The following FSTL5 variants were observed in gnomAD, a reference collection of about 807,000 sequenced individuals.
The protein encoded by FSTL5 is follistatin-related protein 5.
A neutral mutation model predicts 89.1 loss-of-function variants in FSTL5; 62 were observed. That is an observed-to-expected ratio of 0.70 (90% CI 0.57 to 0.86). FSTL5 has a LOEUF of 0.86. FSTL5 is among the 40% of genes least tolerant of loss of function. FSTL5 has a pLI of 0.00. For synonymous variants in FSTL5, 383 were observed against 346.2 expected (o/e 1.11, Z -1.18); for missense variants, 1,057 against 1,001.6 (o/e 1.06, Z -0.75).
chr4:162,094,564 G>A (rs992559621), intron 2 of FSTL5, among the ~76,000 whole-genome samples: 49 of 151,994 alleles, frequency 3.2e-4, no homozygotes, highest in Admixed American at 1.9e-3. Context: ...GCAACATTCA[G>A]ACATAGTATT....
At chr4:162,054,812 A>C (rs1405313420) in intron 2 of FSTL5, among the ~76,000 whole-genome samples, 1 of 151,846 alleles carries the variant, frequency 6.6e-6, no homozygotes, top group Non-Finnish European at 1.5e-5. Flanking sequence ...TCAGGGATAC[A>C]GTGTACCTGT....
intron 2 of FSTL5, among the ~76,000 whole-genome samples, chr4:162,085,340 T>A (rs1730269346): frequency 6.6e-6 from 1 of 152,036 alleles, no homozygotes; most frequent in African/African-American, 2.4e-5. Flanking sequence ...AAAATTCAAT[T>A]ACCCAACAAA....
chr4:161,493,285 C>G (rs989225861), intron 12 of FSTL5, among the ~76,000 whole-genome samples: 64 of 151,584 alleles, frequency 4.2e-4, no homozygotes, highest in African/African-American at 1.4e-3. Context: ...ATTATTGTCT[C>G]TCATAGAAGA....
chr4:161,991,400 T>A (rs1220217091), intron 3 of FSTL5, among the ~76,000 whole-genome samples: 1 of 152,148 alleles, frequency 6.6e-6, no homozygotes, highest in Non-Finnish European at 1.5e-5. Context: ...TTCACTCAGG[T>A]CAATACTTCT....
chr4:161,733,003 A>G (rs1436636969), intron 6 of FSTL5, among the ~76,000 whole-genome samples: 1 of 151,512 alleles, frequency 6.6e-6, no homozygotes, highest in Non-Finnish European at 1.5e-5. Flanking sequence ...TTATAGTCAG[A>G]GCATTGGTTT....
At chr4:162,026,296 T>C (rs1737278715) in intron 3 of FSTL5, among the ~76,000 whole-genome samples, 1 of 126,766 alleles carries the variant, frequency 7.9e-6, no homozygotes, top group Non-Finnish European at 1.6e-5. Context: ...AGACAGCTTA[T>C]GTATTTTCTT....
intron 4 of FSTL5, among the ~76,000 whole-genome samples, chr4:161,818,463 T>C (rs139073979): frequency 2.0e-5 from 3 of 152,290 alleles, no homozygotes; most frequent in East Asian, 3.9e-4. Flanking sequence ...AAGCCGCCTA[T>C]GGACTGTAAA....
intron 15 of FSTL5, among the ~76,000 whole-genome samples, chr4:161,413,061 G>T (rs766427149): frequency 6.6e-6 from 1 of 151,948 alleles, no homozygotes. Flanking sequence ...AACGAACAAT[G>T]GGACCTTTTT....
chr4:161,788,710 A>G (rs1553966125), intron 4 of FSTL5, among the ~76,000 whole-genome samples: 6 of 151,940 alleles, frequency 3.9e-5, no homozygotes, highest in Non-Finnish European at 4.4e-5. Context: ...ATAATGTGAG[A>G]CCCCGCCCCT....
chr4:162,085,035 G>A (rs765823644), intron 2 of FSTL5, among the ~76,000 whole-genome samples: 4 of 151,694 alleles, frequency 2.6e-5, no homozygotes, highest in African/African-American at 7.3e-5. Flanking sequence ...GTATAGGGAC[G>A]GGAAAAAAAT....
chr4:162,062,146 C>G (rs976540973), intron 2 of FSTL5, among the ~76,000 whole-genome samples: 1 of 151,590 alleles, frequency 6.6e-6, no homozygotes, highest in Non-Finnish European at 1.5e-5. Flanking sequence ...TTATATATAA[C>G]AAATATTTCT....
At position 161,423,135 on chromosome 4, in the gene FSTL5, C is replaced by A. The variant is rs1732045238; in HGVS notation, c.1841+31869G>T. 2.0e-5 allele frequency among the ~76,000 whole-genome samples: 3 copies of A among 152,120 alleles called. No individual in the cohort carries two copies. In the South Asian group the frequency reaches 6.2e-4, roughly 31 times the overall value. Reference sequence around the variant, plus strand: ...TGAGGCTTAAAACTCCATTTCTTTACAGGAAACAGATTTCAAAGCCATATG... The same window carrying A: ...TGAGGCTTAAAACTCCATTTCTTTAAAGGAAACAGATTTCAAAGCCATATG... On this transcript the variant is annotated intron_variant, in intron 15 of 15. Transcript: ENST00000306100.
chr4:162,079,684 A>T (rs1730011128), intron 2 of FSTL5, among the ~76,000 whole-genome samples: 1 of 151,488 alleles, frequency 6.6e-6, no homozygotes, highest in African/African-American at 2.4e-5. Flanking sequence ...TGCAAAGTGA[A>T]AAAAGTCTTA....
At chr4:161,663,441 A>T (rs1443656280) in intron 6 of FSTL5, among the ~76,000 whole-genome samples, 1 of 152,132 alleles carries the variant, frequency 6.6e-6, no homozygotes, top group Non-Finnish European at 1.5e-5. Flanking sequence ...TACATGGCCC[A>T]TAAAAGTCCA....
At chr4:161,801,307 T>C (rs1261760470) in intron 4 of FSTL5, among the ~76,000 whole-genome samples, 2 of 151,562 alleles carry the variant, frequency 1.3e-5, no homozygotes, top group East Asian at 1.9e-4. Flanking sequence ...TCTAGCATAA[T>C]TGGCAAACAG....
intron 4 of FSTL5, among the ~76,000 whole-genome samples, chr4:161,779,063 TGG>T (rs992721945): frequency 2.6e-5 from 4 of 152,160 alleles, no homozygotes; most frequent in African/African-American, 9.7e-5. Flanking sequence ...GAGAGATGGA[TGG>T]GAAATAGGAG....
At chr4:161,727,752 T>G (rs1435537989) in intron 6 of FSTL5, among the ~76,000 whole-genome samples, 1 of 152,124 alleles carries the variant, frequency 6.6e-6, no homozygotes, top group African/African-American at 2.4e-5. Flanking sequence ...CTATTTGCCC[T>G]TAAAGCAGCA....
In FSTL5 at chr4:161,542,688, G is replaced by T. The variant is rs1422921397; in HGVS notation, c.1021C>A (p.Pro341Thr). 1.4e-6 allele frequency: 2 copies of T among 1,452,142 alleles called. No individual in the cohort carries two copies. The highest frequency in any genetic ancestry group is 9.1e-7 in the Non-Finnish European group (1 of 1,096,970). 90.0% of individuals were successfully genotyped at this position (1,452,142 alleles called of 1,614,324 possible). A position where few individuals can be genotyped will look rare whatever the true frequency, so the allele number is the denominator to read the frequency against. ...QTHIFQVNVP[P>T]VIRVYPESQA... is the part of the protein sequence containing the mutation. Reference sequence around the variant, plus strand: ...CTCTCTGGATACACCCGGATGACTGGAGGAACTAAAGGAAAAAATGAAAGA... The same window carrying T: ...CTCTCTGGATACACCCGGATGACTGTAGGAACTAAAGGAAAAAATGAAAGA... Residue 341 changes from proline (P) to threonine (T), a missense_variant, in exon 9 of 16, where the codon CCA (proline) becomes ACA (threonine). Transcript: ENST00000306100.
At chr4:161,737,513 G>A (rs1434622) in intron 6 of FSTL5, among the ~76,000 whole-genome samples, 82,636 of 151,748 alleles carry the variant, frequency 0.54, 26,261 homozygotes, top group Non-Finnish European at 0.71. Flanking sequence ...CAAGAATAAC[G>A]TGCATTTCAA....
Sources: gnomAD v4.1 joint callset for allele counts (sites outside exome capture counted in the v4.1 genomes callset) on GRCh38, gnomAD v4.1.1 for gene constraint, MANE v1.5 for transcripts, NCBI Gene and HGNC (gene_info 2026-07-23, HGNC 2026-07-21) for gene names.